COL13A1: variants seen among roughly 807,000 people sequenced by gnomAD.
COL13A1 encodes the protein collagen type XIII alpha 1 chain.
In COL13A1, 89 loss-of-function variants were observed where a neutral mutation model predicts 130.9. That is an observed-to-expected ratio of 0.68 (90% CI 0.57 to 0.81). COL13A1 has a LOEUF of 0.81. COL13A1 is among the 30% of genes least tolerant of loss of function. COL13A1 has a pLI of 0.00. For synonymous variants in COL13A1, 402 were observed against 341.6 expected, an observed-to-expected ratio of 1.18 and a Z score of -1.95; for missense variants, 879 against 934.6, an observed-to-expected ratio of 0.94 and a Z score of 0.78.
intron 2 of COL13A1, among the ~76,000 whole-genome samples, chr10:69,836,932 G>A (rs1364435112): frequency 2.6e-5 from 4 of 151,946 alleles, no homozygotes; most frequent in Middle Eastern, 3.2e-3. Context: ...GAGCTGTCAC[G>A]GGGTGACCTG....
At chr10:69,938,649 G>A (rs2067248915) in intron 34 of COL13A1, among the ~76,000 whole-genome samples, 1 of 152,184 alleles carries the variant, frequency 6.6e-6, no homozygotes. Context: ...ATAAAGAGCA[G>A]AGAAACAATG....
intron 17 of COL13A1, among the ~76,000 whole-genome samples, chr10:69,914,972 C>G (rs181396466): frequency 6.6e-6 from 1 of 152,366 alleles, no homozygotes; most frequent in East Asian, 1.9e-4. Flanking sequence ...AAGAGGGGCT[C>G]TGCTCCGCTT....
At chr10:69,816,329 G>A (rs1307915988) in intron 1 of COL13A1, among the ~76,000 whole-genome samples, 1 of 150,940 alleles carries the variant, frequency 6.6e-6, no homozygotes, top group Admixed American at 6.6e-5. Flanking sequence ...CTGGTGGGAT[G>A]GGGAAGCTGA....
chr10:69,878,099 C>A (rs1222678651), intron 6 of COL13A1, 34 bp downstream of exon 6: 6 of 702,788 alleles, frequency 8.5e-6, no homozygotes, highest in Non-Finnish European at 1.6e-5. Flanking sequence ...GCCCTGCACC[C>A]AGCCTCCTCC....
Position 69,930,490 on chromosome 10 carries a change from G to A in COL13A1, c.1621G>A (p.Gly541Arg), listed in dbSNP as rs755942286. The change falls in exon 30 of 41, where the codon GGG (glycine) becomes AGG (arginine). Residue 541 changes from glycine (G) to arginine (R), a missense_variant. By Grantham distance (125) the Gly-to-Arg change is moderately radical. Around this residue, in one of 3 missense-constraint regions of COL13A1, gnomAD observed 715 missense variants for 721.0 expected, o/e 0.99. Coordinates refer to ENST00000645393, the MANE Select transcript of COL13A1 (RefSeq NM_001368882.1). ...DGPPGVKGEN[G>R]HPGSPGEKGE... ...ACCTCCAGGAGTGAAGGGAGAAAAC[G>A]GGCACCCAGGGAGCCCAGGAGAGAA... The A allele has an allele frequency of 5.6e-6, 9 of 1,613,780 alleles. No individual in the cohort carries two copies. The highest frequency in any genetic ancestry group is 1.1e-5 in the South Asian group (1 of 91,074).
At chr10:69,879,513 C>T (rs2059924432) in intron 6 of COL13A1, 1 of 152,240 alleles carries the variant, frequency 6.6e-6, no homozygotes, top group Non-Finnish European at 1.5e-5. Flanking sequence ...CATGACACTA[C>T]ACCGCCTTGT....
intron 1 of COL13A1, among the ~76,000 whole-genome samples, chr10:69,812,106 T>C (rs10762311): frequency 0.71 from 107,143 of 151,964 alleles, 37,854 homozygotes; most frequent in Non-Finnish European, 0.74. Flanking sequence ...CGCCGTCTCC[T>C]GATTAAACTC....
intron 2 of COL13A1, among the ~76,000 whole-genome samples, chr10:69,867,295 C>T (rs2058619035): frequency 6.6e-6 from 1 of 152,212 alleles, no homozygotes; most frequent in Admixed American, 6.5e-5. Context: ...CCAGGACGGG[C>T]CAATGGGCCT....
At chr10:69,838,231 G>T (rs1447595260) in intron 2 of COL13A1, among the ~76,000 whole-genome samples, 35 of 152,356 alleles carry the variant, frequency 2.3e-4, no homozygotes, top group Admixed American at 2.3e-3. Context: ...GGATCTGGTA[G>T]GAGCCTGGGC....
intron 3 of COL13A1, among the ~76,000 whole-genome samples, chr10:69,869,253 C>G (rs1319959518): frequency 1.3e-5 from 2 of 152,198 alleles, no homozygotes; most frequent in East Asian, 3.9e-4. Flanking sequence ...CAGTCTCTGC[C>G]CACAGAGTGA....
At chr10:69,933,477 G>A (rs927479720) in intron 31 of COL13A1, among the ~76,000 whole-genome samples, 10 of 152,268 alleles carry the variant, frequency 6.6e-5, no homozygotes, top group African/African-American at 2.4e-4. Context: ...GAAAGCAACG[G>A]AGATCAAGGA....
chr10:69,876,063 T>A (rs1017144264), intron 5 of COL13A1, among the ~76,000 whole-genome samples: 2 of 152,196 alleles, frequency 1.3e-5, no homozygotes, highest in African/African-American at 4.8e-5. Context: ...TGCTCAGAGG[T>A]TGAGAAAAGG....
intron 30 of COL13A1, 79 bp downstream of exon 30, chr10:69,930,631 T>C: frequency 1.4e-6 from 2 of 1,468,842 alleles, no homozygotes; most frequent in Non-Finnish European, 9.1e-7. Context: ...CTTTGCACTT[T>C]GCATGATGTG....
At chr10:69,809,363 G>T (rs117854952) in intron 1 of COL13A1, among the ~76,000 whole-genome samples, 2,505 of 152,324 alleles carry the variant, frequency 0.016, 44 homozygotes, top group Non-Finnish European at 0.029. Context: ...TTGAGTTTAC[G>T]CTGTGTATTG....
chr10:69,868,846 G>T (rs2763356), intron 3 of COL13A1, among the ~76,000 whole-genome samples: 137,227 of 152,242 alleles, frequency 0.9, 62,932 homozygotes, highest in East Asian at 1. Context: ...GAAGGATAAT[G>T]TATTATGGCA....
rs187751720 is a variant in COL13A1 at position 69,829,997 on chromosome 10, G to A, written c.364+7559G>A. On this transcript the variant is annotated intron_variant, in intron 2 of 40. Coordinates refer to ENST00000645393, the MANE Select transcript of COL13A1 (RefSeq NM_001368882.1). Reference sequence around the variant, plus strand: ...CCGCTCTGATAACACTGGGGTGGTCGGCTGAGATTTGTAGGGAAATAAAAA... The same window carrying A: ...CCGCTCTGATAACACTGGGGTGGTCAGCTGAGATTTGTAGGGAAATAAAAA... Among the ~76,000 whole-genome samples, 29 of 152,292 alleles carry A rather than the reference G, an allele frequency of 1.9e-4. 1 individual carries two copies. In the East Asian group the frequency reaches 3.1e-3, roughly 16 times the overall value.
chr10:69,953,586 C>G (rs74367261), intron 39 of COL13A1, among the ~76,000 whole-genome samples: 2 of 152,182 alleles, frequency 1.3e-5, no homozygotes, highest in Non-Finnish European at 2.9e-5. Context: ...AAAGAGCCAG[C>G]AATTAATGAT....
At chr10:69,851,087 G>A (rs962564416) in intron 2 of COL13A1, among the ~76,000 whole-genome samples, 7 of 152,206 alleles carry the variant, frequency 4.6e-5, no homozygotes, top group African/African-American at 7.2e-5. Flanking sequence ...CTCCATCTCC[G>A]CCTTCACTAA....
intron 17 of COL13A1, among the ~76,000 whole-genome samples, chr10:69,908,047 TG>T (rs2062974618): frequency 6.6e-6 from 1 of 152,192 alleles, no homozygotes; most frequent in South Asian, 2.1e-4. Context: ...GTTCCAGGTC[TG>T]GGTCCTTCCC....
Sources: gnomAD v4.1 joint callset for allele counts (sites outside exome capture counted in the v4.1 genomes callset) on GRCh38, gnomAD v4.1.1 for gene constraint, gnomAD v4.1.1 regional missense constraint, MANE v1.5 for transcripts, NCBI Gene and HGNC (gene_info 2026-07-23, HGNC 2026-07-21) for gene names.